Variants in MAGEC3 observed in about 807,000 individuals in gnomAD.
The protein encoded by MAGEC3 is MAGE family member C3.
MAGEC3 carries 34 observed loss-of-function variants against 35.3 expected under a neutral mutation model. That is an observed-to-expected ratio of 0.96 (90% CI 0.73 to 1.28). The LOEUF is 1.28. MAGEC3 is among the 50% of genes most tolerant of loss of function. The pLI is 0.00. For missense variants in MAGEC3, 561 were observed against 483.6 expected (o/e 1.16, Z -1.50); for synonymous variants, 202 against 185.6 (o/e 1.09, Z -0.72).
intron 4 of MAGEC3, among the ~76,000 whole-genome samples, chrX:141,889,187 A>G (rs1038747891): frequency 1.8e-5 from 2 of 111,945 alleles, no homozygotes; most frequent in African/African-American, 6.5e-5. Context: ...TCACAGTTAC[A>G]ATGCCAACTA....
At chrX:141,888,848 C>T (rs778892228) in intron 4 of MAGEC3, among the ~76,000 whole-genome samples, 2 of 112,143 alleles carry the variant, frequency 1.8e-5, no homozygotes, top group Non-Finnish European at 3.8e-5. Context: ...GATGATCAGC[C>T]AGCTACCTTG....
At chrX:141,846,586 G>T (rs900044695) in intron 1 of MAGEC3, among the ~76,000 whole-genome samples, 4 of 110,642 alleles carry the variant, frequency 3.6e-5, no homozygotes, top group Admixed American at 9.6e-5. Flanking sequence ...ATTATTTATT[G>T]TGCCTTCTCT....
At chrX:141,896,858 C>G (rs1205840736) in intron 6 of MAGEC3, 24 bp from the exon 7 acceptor site, 1 of 1,195,762 alleles carries the variant, frequency 8.4e-7, no homozygotes, top group Non-Finnish European at 1.1e-6. Context: ...CCCTTACCCT[C>G]TACTCTCATT....
At chrX:141,841,989 A>G (rs2124078762) in intron 1 of MAGEC3, among the ~76,000 whole-genome samples, 1 of 111,668 alleles carries the variant, frequency 9.0e-6, no homozygotes, top group African/African-American at 3.2e-5. Flanking sequence ...TTGGGCCACG[A>G]AAATGCCTAA....
At chrX:141,861,132 A>C (rs1268079672) in intron 1 of MAGEC3, among the ~76,000 whole-genome samples, 1 of 111,357 alleles carries the variant, frequency 9.0e-6, no homozygotes, top group African/African-American at 3.3e-5. Context: ...TATGATGAGC[A>C]AAGATGTCTA....
intron 2 of MAGEC3, among the ~76,000 whole-genome samples, chrX:141,866,964 A>G (rs1290199282): frequency 9.0e-6 from 1 of 111,645 alleles, no homozygotes; most frequent in Non-Finnish European, 1.9e-5. Flanking sequence ...AGTGAAGGAC[A>G]ATAGCCAAGG....
At chrX:141,857,705 C>T (rs1410196213) in intron 1 of MAGEC3, among the ~76,000 whole-genome samples, 1 of 111,037 alleles carries the variant, frequency 9.0e-6, no homozygotes, top group Non-Finnish European at 1.9e-5. Flanking sequence ...AGTCTCTCCT[C>T]CAATGTTAAC....
chrX:141,850,203 TAG>T (rs1366345515), intron 1 of MAGEC3, among the ~76,000 whole-genome samples: 2 of 109,952 alleles, frequency 1.8e-5, no homozygotes, highest in African/African-American at 6.6e-5. Context: ...ATGTGAACAA[TAG>T]AAACAGCAGG....
At chrX:141,849,289 A>T (rs899525820) in intron 1 of MAGEC3, among the ~76,000 whole-genome samples, 6 of 111,434 alleles carry the variant, frequency 5.4e-5, no homozygotes. Context: ...CTCAAGATGA[A>T]TTAAAAATTT....
intron 2 of MAGEC3, among the ~76,000 whole-genome samples, chrX:141,873,447 G>A (rs1300460144): frequency 9.0e-6 from 1 of 111,163 alleles, no homozygotes; most frequent in African/African-American, 3.3e-5. Context: ...CCATACCCAA[G>A]CTGTTTTATC....
chrX:141,879,393 C>T lies in MAGEC3; in HGVS notation c.477C>T (p.Val159=). ...GCTACACCCTTTCCCTTCCTGCCGT[C>T]AGCCCTGGAAAAAGGTTGTGGGGGG... ...GTGYTLSLPA[V]SPGKRLWGEK... The change falls in exon 3 of 8, where the codon GTC becomes GTT. Residue 159 remains valine (V), a synonymous_variant. Coordinates refer to ENST00000298296, the MANE Select transcript of MAGEC3 (RefSeq NM_138702.1). 1.7e-6 allele frequency: 2 copies of T among 1,187,509 alleles called. No individual in the cohort carries two copies. The highest frequency in any genetic ancestry group is 2.3e-6 in the Non-Finnish European group (2 of 883,133).
At chrX:141,863,148 A>G (rs7876779) in intron 1 of MAGEC3, among the ~76,000 whole-genome samples, 11,696 of 111,526 alleles carry the variant, frequency 0.1, 1,159 homozygotes, top group African/African-American at 0.32. Context: ...GGATATACGG[A>G]GTTTCACTAC....
At chrX:141,871,037 CT>C (rs2124106250) in intron 2 of MAGEC3, among the ~76,000 whole-genome samples, 1 of 112,599 alleles carries the variant, frequency 8.9e-6, no homozygotes, top group African/African-American at 3.2e-5. Flanking sequence ...GGTACCACAA[CT>C]TTTATTTTTG....
At chrX:141,845,410 A>C (rs1332383845) in intron 1 of MAGEC3, among the ~76,000 whole-genome samples, 1 of 111,392 alleles carries the variant, frequency 9.0e-6, no homozygotes, top group South Asian at 3.7e-4. Context: ...TTATCTTTAA[A>C]GTCTTATATG....
At chrX:141,855,636 A>G (rs2017776366) in intron 1 of MAGEC3, among the ~76,000 whole-genome samples, 1 of 111,832 alleles carries the variant, frequency 8.9e-6, no homozygotes, top group African/African-American at 3.2e-5. Context: ...GCGACTCAGA[A>G]TCTTAAGAAG....
chrX:141,895,004 T>G (rs1602633222), intron 4 of MAGEC3, among the ~76,000 whole-genome samples: 1 of 67,313 alleles, frequency 1.5e-5, no homozygotes, highest in African/African-American at 5.7e-5. Context: ...GGTGGGAATA[T>G]GGGCAATAAA....
chrX:141,881,962 A>T (rs1300953372), intron 4 of MAGEC3, among the ~76,000 whole-genome samples, 166 bp downstream of exon 4: 1 of 111,772 alleles, frequency 8.9e-6, no homozygotes, highest in Non-Finnish European at 1.9e-5. Flanking sequence ...TAGCAAGAGG[A>T]AAGTAGTGAG....
chrX:141,864,203 G>C (rs146708514), intron 1 of MAGEC3, among the ~76,000 whole-genome samples: 2,259 of 108,681 alleles, frequency 0.021, 16 homozygotes, highest in Middle Eastern at 0.042. Context: ...TTCTGGCCTG[G>C]GCATGGTGGC....
intron 6 of MAGEC3, 53 bp downstream of exon 6, chrX:141,895,612 C>T: frequency 2.7e-6 from 3 of 1,100,267 alleles, no homozygotes; most frequent in Non-Finnish European, 3.6e-6. Flanking sequence ...ACTGGGGGAA[C>T]CCCCACCTCA....
Sources: allele counts gnomAD v4.1 joint callset (sites outside exome capture counted in the v4.1 genomes callset), GRCh38; gene constraint gnomAD v4.1.1; transcripts MANE v1.5; gene names NCBI Gene and HGNC (gene_info 2026-07-23, HGNC 2026-07-21).